DCC: variants seen among roughly 807,000 people sequenced by gnomAD.
DCC encodes the protein netrin receptor DCC.
In DCC, 58 loss-of-function variants were observed where a neutral mutation model predicts 172.5. The observed-to-expected ratio is 0.34, with a 90% CI of 0.27 to 0.42. The LOEUF (loss-of-function observed/expected upper bound fraction) is 0.42, where lower values mean the gene tolerates loss of function less well. Among genes scored for constraint, DCC ranks in the 10% least tolerant of loss-of-function variants. The pLI, the probability that DCC is intolerant of heterozygous loss-of-function variation, is 1.00. For missense variants in DCC, 1,740 were observed against 1,791.0 expected (o/e 0.97, Z 0.51); for synonymous variants, 709 against 644.5 (o/e 1.10, Z -1.52).
chr18:52,994,372 T>C (rs1327380730), intron 5 of DCC, among the ~76,000 whole-genome samples: 1 of 152,084 alleles, frequency 6.6e-6, no homozygotes, highest in Non-Finnish European at 1.5e-5. Flanking sequence ...TGTATTCCAA[T>C]TACTTGATTT....
intron 1 of DCC, among the ~76,000 whole-genome samples, chr18:52,399,450 G>A (rs889875444): frequency 6.6e-6 from 1 of 151,786 alleles, no homozygotes; most frequent in Non-Finnish European, 1.5e-5. Context: ...GTGTAAAGGG[G>A]AGACTGATCA....
intron 5 of DCC, among the ~76,000 whole-genome samples, chr18:53,036,417 T>C (rs2042092911): frequency 6.6e-6 from 1 of 152,034 alleles, no homozygotes; most frequent in Non-Finnish European, 1.5e-5. Flanking sequence ...AGTGAAGGAA[T>C]ACAAAATTCA....
chr18:53,312,510 G>A (rs1171803845), intron 13 of DCC, among the ~76,000 whole-genome samples: 10 of 135,344 alleles, frequency 7.4e-5, no homozygotes, highest in African/African-American at 2.9e-4. Flanking sequence ...TAAGATAACA[G>A]CTTTTCAAAA....
At chr18:53,326,097 C>G (rs2057465485) in intron 14 of DCC, among the ~76,000 whole-genome samples, 1 of 152,152 alleles carries the variant, frequency 6.6e-6, no homozygotes, top group African/African-American at 2.4e-5. Flanking sequence ...TATTTCCACA[C>G]AAATATCAAC....
chr18:53,272,840 A>G (rs1423917936), intron 12 of DCC, among the ~76,000 whole-genome samples: 1 of 152,186 alleles, frequency 6.6e-6, no homozygotes, highest in Non-Finnish European at 1.5e-5. Context: ...TTGTTTCGGA[A>G]AAAGCTGTTC....
chr18:52,383,245 C>CTAAA (rs1468218219), intron 1 of DCC, among the ~76,000 whole-genome samples: 1 of 152,080 alleles, frequency 6.6e-6, no homozygotes, highest in Non-Finnish European at 1.5e-5. Context: ...ACCTCTTACT[C>CTAAA]TAAATTTATA....
chr18:53,312,339 T>TA (rs2057282925), intron 13 of DCC, among the ~76,000 whole-genome samples: 1 of 25,588 alleles, frequency 3.9e-5, no homozygotes, highest in East Asian at 1.5e-3. Flanking sequence ...AGACTCTGTC[T>TA]CAAAAAAAAA....
At chr18:52,595,673 G>T (rs1487321433) in intron 1 of DCC, among the ~76,000 whole-genome samples, 1 of 152,054 alleles carries the variant, frequency 6.6e-6, no homozygotes, top group Non-Finnish European at 1.5e-5. Flanking sequence ...GCTCAATGGG[G>T]TTTTCTTATA....
At chr18:52,853,060 T>C (rs1183205445) in intron 2 of DCC, among the ~76,000 whole-genome samples, 2 of 152,158 alleles carry the variant, frequency 1.3e-5, no homozygotes, top group African/African-American at 4.8e-5. Flanking sequence ...TAATTTAGCT[T>C]GATTTTTATA....
chr18:52,960,144 C>T lies in DCC; in HGVS notation c.985+34774C>T, dbSNP rs150782306. On this transcript the variant is annotated intron_variant, in intron 5 of 28. Coordinates refer to ENST00000442544, the MANE Select transcript of DCC (RefSeq NM_005215.4). ...AGCTACTCAAAATTTTCCTGGAGCTCGAAATTTCCCTGGGTTTCAAAACTA... is the reference window on the plus strand; with the variant it reads ...AGCTACTCAAAATTTTCCTGGAGCTTGAAATTTCCCTGGGTTTCAAAACTA... Among the ~76,000 whole-genome samples the T allele has an allele frequency of 2.6e-3, 402 of 152,042 alleles. 5 individuals are homozygous for T. Among genetic ancestry groups the T allele is most frequent in the African/African-American group, 9.2e-3 (381 of 41,472 alleles).
At chr18:52,857,985 A>T (rs963582724) in intron 2 of DCC, among the ~76,000 whole-genome samples, 5 of 152,196 alleles carry the variant, frequency 3.3e-5, no homozygotes, top group African/African-American at 1.2e-4. Context: ...ATGCCACTGG[A>T]AAGGGGGAAT....
At chr18:53,275,328 C>T (rs1177134459) in intron 12 of DCC, among the ~76,000 whole-genome samples, 2 of 151,958 alleles carry the variant, frequency 1.3e-5, no homozygotes, top group Non-Finnish European at 2.9e-5. Flanking sequence ...AGAATTTTTG[C>T]CTTTTCTTCT....
At position 52,700,201 on chromosome 18, in the gene DCC, T is replaced by C. The variant is rs1487354869; in HGVS notation, c.92-51853T>C. ...ACATGCACACGCACACACACGCACA[T>C]ACACACATGCACATGTGCACACACA... is the stretch of plus-strand genomic sequence containing the variant. On this transcript the variant is annotated intron_variant, in intron 1 of 28. Coordinates refer to ENST00000442544, the MANE Select transcript of DCC (RefSeq NM_005215.4). Among the ~76,000 whole-genome samples, 8 of 141,390 alleles carry C rather than the reference T, an allele frequency of 5.7e-5. No individual in the cohort carries two copies. In the South Asian group the frequency reaches 7.2e-4, roughly 13 times the overall value. The allele number at this position is 141,390 out of a possible 152,430, so 92.8% of individuals were successfully genotyped here.
chr18:52,979,951 T>G (rs1286042618), intron 5 of DCC, among the ~76,000 whole-genome samples: 1 of 152,190 alleles, frequency 6.6e-6, no homozygotes, highest in Non-Finnish European at 1.5e-5. Context: ...GCCCAGTTAC[T>G]GTCAGTGTTA....
rs922045777 is a variant in DCC at position 53,258,244 on chromosome 18, C to A, written c.1911+42647C>A. Reference sequence around the variant, plus strand: ...TGCTCTGATCTTAGTTATTTCTTGCCTTCTGCTAGCTTTTGAATGTGTTTG... The same window carrying A: ...TGCTCTGATCTTAGTTATTTCTTGCATTCTGCTAGCTTTTGAATGTGTTTG... On this transcript the variant is annotated intron_variant, in intron 12 of 28. Transcript: ENST00000442544. 2.2e-4 allele frequency among the ~76,000 whole-genome samples: 33 copies of A among 151,870 alleles called. 1 individual carries two copies. Among genetic ancestry groups the A allele is most frequent in the African/African-American group, 7.0e-4 (29 of 41,348 alleles).
chr18:52,720,809 A>G (rs906478275), intron 1 of DCC, among the ~76,000 whole-genome samples: 1 of 152,154 alleles, frequency 6.6e-6, no homozygotes, highest in Admixed American at 6.5e-5. Context: ...TTGATGTACT[A>G]GGTGCACATG....
intron 5 of DCC, among the ~76,000 whole-genome samples, chr18:52,989,097 G>A (rs1384909071): frequency 6.6e-6 from 1 of 151,764 alleles, no homozygotes; most frequent in Non-Finnish European, 1.5e-5. Flanking sequence ...TAATTACAGT[G>A]AGTGGAGGGA....
At chr18:52,672,391 A>T (rs1750988844) in intron 1 of DCC, among the ~76,000 whole-genome samples, 1 of 152,224 alleles carries the variant, frequency 6.6e-6, no homozygotes, top group African/African-American at 2.4e-5. Context: ...CACTAGTTCT[A>T]CAGTAAGAGA....
chr18:52,609,566 G>C (rs1476018211), intron 1 of DCC, among the ~76,000 whole-genome samples: 1 of 151,948 alleles, frequency 6.6e-6, no homozygotes, highest in Non-Finnish European at 1.5e-5. Flanking sequence ...GCACCTATAA[G>C]GACCAACTTT....
Sources: allele counts gnomAD v4.1 joint callset (sites outside exome capture counted in the v4.1 genomes callset), GRCh38; gene constraint gnomAD v4.1.1; transcripts MANE v1.5; gene names NCBI Gene and HGNC (gene_info 2026-07-23, HGNC 2026-07-21).